The following SAMD13 variants were observed in gnomAD, a reference collection of about 807,000 sequenced individuals.
SAMD13 encodes sterile alpha motif domain containing 13.
In SAMD13, 9 loss-of-function variants were observed where a neutral mutation model predicts 12.4. That is an observed-to-expected ratio of 0.72 (90% confidence interval 0.44 to 1.26). SAMD13 has a LOEUF of 1.26. SAMD13 is among the 50% of genes most tolerant of loss of function. The pLI is 0.00. For synonymous variants in SAMD13, 46 were observed against 45.4 expected (o/e 1.01, Z -0.05); for missense variants, 84 against 119.6 (o/e 0.70, Z 1.39).
upstream of SAMD13, chr1:84,301,572 C>T: frequency 1.0e-6 from 1 of 980,660 alleles, no homozygotes; most frequent in Non-Finnish European, 1.2e-6. Context: ...AGTGAACAGG[C>T]ACACTGTAGC....
rs1292944502 is a variant in SAMD13 at position 84,338,864 on chromosome 1, A to C, written c.166-10767A>C. ...TGGGCCCCTCCCACAACATGTGGGA[A>C]TTCAAGACGAGATCTGGGTGGGATC... On this transcript the variant is annotated intron_variant, in intron 3 of 3. Transcript: ENST00000394834. Among the ~76,000 whole-genome samples the C allele has an allele frequency of 2.0e-5, 3 of 152,198 alleles. No individual in the cohort carries two copies. In the East Asian group the frequency reaches 5.8e-4, roughly 29 times the overall value.
intron 2 of SAMD13, among the ~76,000 whole-genome samples, chr1:84,313,721 G>A (rs1423356759): frequency 2.0e-5 from 3 of 151,988 alleles, no homozygotes; most frequent in Non-Finnish European, 4.4e-5. Context: ...GACTTTCAAA[G>A]CAAGCCATTT....
chr1:84,338,175 C>A (rs1679342698), intron 3 of SAMD13, among the ~76,000 whole-genome samples: 1 of 152,168 alleles, frequency 6.6e-6, no homozygotes, highest in Non-Finnish European at 1.5e-5. Flanking sequence ...AAGTCACTTC[C>A]ACATTTTTGT....
At position 84,350,362 on chromosome 1, in the gene SAMD13, A is replaced by G. The variant is rs1398875816; in HGVS notation, c.*588A>G. On this transcript the variant is annotated 3_prime_UTR_variant, in exon 4 of 4. Transcript: ENST00000394834. ...GCATCATGGCCCCTTCAGGAGCAGA[A>G]TCATAGCTCTGAAAAGAGAAGCTCC... 2.0e-5 allele frequency: 3 copies of G among 152,224 alleles called. No individual in the cohort carries two copies. Among genetic ancestry groups the G allele is most frequent in the African/African-American group, 7.2e-5 (3 of 41,436 alleles). The allele number at this position is 152,224 out of a possible 1,614,324, so 9.4% of individuals were successfully genotyped here.
intron 3 of SAMD13, chr1:84,344,767 A>G (rs1212219958): frequency 4.6e-5 from 18 of 387,586 alleles, no homozygotes; most frequent in Non-Finnish European, 8.6e-5. Flanking sequence ...CTCTGCAGGT[A>G]CACCCAGACA....
At chr1:84,348,228 G>A (rs895360053) in intron 3 of SAMD13, among the ~76,000 whole-genome samples, 5 of 152,108 alleles carry the variant, frequency 3.3e-5, no homozygotes, top group African/African-American at 9.7e-5. Context: ...AGAAGAGAAG[G>A]GACTTGCCTA....
chr1:84,315,490 C>T (rs1678814059), intron 2 of SAMD13, among the ~76,000 whole-genome samples: 2 of 152,128 alleles, frequency 1.3e-5, no homozygotes, highest in African/African-American at 4.8e-5. Flanking sequence ...GTGGGTCTCC[C>T]TATGTTGCCT....
At chr1:84,338,867 C>T (rs1245976435) in intron 3 of SAMD13, among the ~76,000 whole-genome samples, 1 of 152,172 alleles carries the variant, frequency 6.6e-6, no homozygotes, top group Admixed American at 6.5e-5. Context: ...TGTGGGAATT[C>T]AAGACGAGAT....
intron 2 of SAMD13, among the ~76,000 whole-genome samples, chr1:84,325,386 A>T (rs1324420324): frequency 6.6e-6 from 1 of 152,198 alleles, no homozygotes; most frequent in Non-Finnish European, 1.5e-5. Flanking sequence ...TTCTGAACTC[A>T]GAAGTATGAA....
In SAMD13 at chr1:84,324,890, T is replaced by C. The variant is rs888014976; in HGVS notation, c.54-747T>C. On this transcript the variant is annotated intron_variant, in intron 2 of 3. Transcript: ENST00000394834. ...GCTTGATTGTTATCTTGTCATCTGT[T>C]TATTTATTTGAACAATATGGGTTAA... 2.0e-5 allele frequency among the ~76,000 whole-genome samples: 3 copies of C among 152,218 alleles called. No homozygotes were observed. The East Asian group carries it at 5.8e-4, about 29-fold the overall frequency.
At chr1:84,337,924 C>T (rs1259140038) in intron 3 of SAMD13, among the ~76,000 whole-genome samples, 2 of 152,294 alleles carry the variant, frequency 1.3e-5, no homozygotes, top group Middle Eastern at 3.4e-3. Context: ...CCACAAATCT[C>T]TAGGGCAGGG....
At chr1:84,345,963 C>G (rs1402933589) in intron 3 of SAMD13, among the ~76,000 whole-genome samples, 2 of 152,168 alleles carry the variant, frequency 1.3e-5, no homozygotes, top group Non-Finnish European at 2.9e-5. Context: ...CTCAGCCTCT[C>G]AAGTAGCTGG....
In SAMD13 at chr1:84,346,159, T is replaced by A. The variant is rs184432478; in HGVS notation, c.166-3472T>A. On this transcript the variant is annotated intron_variant, in intron 3 of 3. Transcript: ENST00000394834. ...ATAAGAAAATGAGGCTTAGAAAAAT[T>A]CAGTAATGTGCCCCAGGCCCCACTA... 3.9e-3 allele frequency among the ~76,000 whole-genome samples: 593 copies of A among 152,316 alleles called. 2 individuals carry two copies. Among genetic ancestry groups the A allele is most frequent in the Middle Eastern group, 0.01 (3 of 294 alleles).
intron 3 of SAMD13, among the ~76,000 whole-genome samples, chr1:84,349,348 G>A (rs1404694481): frequency 6.6e-6 from 1 of 152,174 alleles, no homozygotes; most frequent in Non-Finnish European, 1.5e-5. Context: ...TGATCCTTAA[G>A]GGTACATGCA....
At chr1:84,325,589 C>T in intron 2 of SAMD13, 48 bp from the exon 3 acceptor site, 3 of 1,169,520 alleles carry the variant, frequency 2.6e-6, no homozygotes, top group Non-Finnish European at 3.9e-6. Context: ...CTGGCCACAC[C>T]CTTGTGCAGG....
At chr1:84,339,875 T>G (rs933347628) in intron 3 of SAMD13, among the ~76,000 whole-genome samples, 7 of 152,160 alleles carry the variant, frequency 4.6e-5, no homozygotes, top group Non-Finnish European at 8.8e-5. Flanking sequence ...AGATTAAAAT[T>G]GAAATAAATT....
intron 3 of SAMD13, among the ~76,000 whole-genome samples, chr1:84,336,332 T>C (rs1255753242): frequency 6.6e-6 from 1 of 152,194 alleles, no homozygotes; most frequent in Non-Finnish European, 1.5e-5. Flanking sequence ...GATAAAGACA[T>C]GTAAATTGCT....
intron 3 of SAMD13, among the ~76,000 whole-genome samples, chr1:84,343,723 G>A (rs190239582): frequency 1.3e-5 from 2 of 152,268 alleles, no homozygotes; most frequent in African/African-American, 4.8e-5. Flanking sequence ...TGGGGAGAAG[G>A]AGAGCATTAG....
chr1:84,328,612 G>A (rs575957509), intron 3 of SAMD13, among the ~76,000 whole-genome samples: 4 of 152,292 alleles, frequency 2.6e-5, no homozygotes, highest in Non-Finnish European at 4.4e-5. Flanking sequence ...CATGAGGACT[G>A]AGGATTGGAT....
Sources: gnomAD v4.1 joint callset for allele counts (sites outside exome capture counted in the v4.1 genomes callset) on GRCh38, gnomAD v4.1.1 for gene constraint, MANE v1.5 for transcripts, NCBI Gene and HGNC (gene_info 2026-07-23, HGNC 2026-07-21) for gene names.